The following ZNF654 variants were observed in gnomAD, a reference collection of about 807,000 sequenced individuals.
ZNF654 encodes the protein zinc finger protein 654.
In ZNF654, 19 loss-of-function variants were observed where a neutral mutation model predicts 95.3. The ratio of observed to expected loss-of-function variants is 0.20; its 90% CI spans 0.14 to 0.29. ZNF654 has a LOEUF of 0.29. ZNF654 is among the 10% of genes least tolerant of loss of function. ZNF654 has a pLI of 1.00. For synonymous variants in ZNF654, 413 were observed against 457.9 expected (o/e 0.90, Z 1.25); for missense variants, 1,046 against 1,341.0 (o/e 0.78, Z 3.44).
rs1708444135 is a variant in ZNF654, at chr3:88,088,365, A to T, written c.332+1963A>T. Among the ~76,000 whole-genome samples the T allele has an allele frequency of 2.0e-5, 3 of 152,356 alleles. No homozygotes were observed. The East Asian group carries it at 5.8e-4, about 29-fold the overall frequency. On this transcript the variant is annotated intron_variant, in intron 2 of 8. Transcript: ENST00000636215. Reference sequence around the variant, plus strand: ...AAAAAGTGAAAAATAATTTTGAAAGAAAGTGTTAATGTTGAAAATAAAAAT... The same window carrying T: ...AAAAAGTGAAAAATAATTTTGAAAGTAAGTGTTAATGTTGAAAATAAAAAT...
In ZNF654 at chr3:88,110,894, C is replaced by T. The variant is rs141075462; in HGVS notation, c.333-2221C>T. On this transcript the variant is annotated intron_variant, in intron 2 of 8. Coordinates refer to ENST00000636215, the MANE Select transcript of ZNF654 (RefSeq NM_001350134.2). ...GTTTGATGTGTTTTGCCTTTATTTG[C>T]TGTTACTTTGCATGTGGTTTTTCTC... Among the ~76,000 whole-genome samples the T allele has an allele frequency of 1.9e-4, 29 of 152,174 alleles. No homozygotes were observed. The East Asian group carries it at 5.6e-3, about 29-fold the overall frequency.
In ZNF654 at chr3:88,129,788, T is replaced by C; in HGVS notation, c.855T>C (p.Leu285=). The change falls in exon 6 of 9, where the codon CTT becomes CTC. Residue 285 remains leucine, a synonymous_variant. Coordinates refer to ENST00000636215, the MANE Select transcript of ZNF654 (RefSeq NM_001350134.2). ...CCTTGCAACTCTGTGAATCCTTTCTTATTCCACAGCTCCAGAATGGGGATA... is the reference window on the plus strand; with the variant it reads ...CCTTGCAACTCTGTGAATCCTTTCTCATTCCACAGCTCCAGAATGGGGATA... The part of the protein sequence containing the change: ...MLALQLCESF[L]IPQLQNGDMY... 1 of 1,526,910 alleles carries C rather than the reference T, an allele frequency of 6.5e-7. No individual in the cohort carries two copies. Among genetic ancestry groups the C allele is most frequent in the Non-Finnish European group, 8.8e-7 (1 of 1,140,650 alleles). 94.6% of individuals were successfully genotyped at this position (1,526,910 alleles called of 1,614,324 possible).
intron 1 of ZNF654, among the ~76,000 whole-genome samples, chr3:88,072,683 T>A (rs942167031): frequency 1.3e-5 from 2 of 152,162 alleles, no homozygotes; most frequent in African/African-American, 2.4e-5. Context: ...CTTACCTGTG[T>A]TTTATTAATA....
At chr3:88,126,327 T>G (rs1460430864) in intron 4 of ZNF654, 58 bp downstream of exon 4, 2 of 1,382,364 alleles carry the variant, frequency 1.4e-6, no homozygotes, top group Non-Finnish European at 1.9e-6. Flanking sequence ...ACACTTTCAT[T>G]TACTAACTAG....
chr3:88,108,215 T>C (rs1182894760), intron 2 of ZNF654, among the ~76,000 whole-genome samples: 1 of 152,092 alleles, frequency 6.6e-6, no homozygotes, highest in Non-Finnish European at 1.5e-5. Context: ...TTTTTTTTTT[T>C]CCTATTTCTA....
chr3:88,090,950 A>G (rs565452595), intron 2 of ZNF654, among the ~76,000 whole-genome samples: 2 of 152,378 alleles, frequency 1.3e-5, no homozygotes, highest in East Asian at 3.9e-4. Context: ...CTTGGGCTGC[A>G]TGCAGGCTGC....
At chr3:88,129,464 A>G (rs1299780362) in intron 5 of ZNF654, among the ~76,000 whole-genome samples, 1 of 151,902 alleles carries the variant, frequency 6.6e-6, no homozygotes, top group Non-Finnish European at 1.5e-5. Context: ...GTATGTACCT[A>G]TAGGTTGTGG....
chr3:88,126,964 T>G (rs558315236), intron 4 of ZNF654, among the ~76,000 whole-genome samples: 9 of 152,306 alleles, frequency 5.9e-5, no homozygotes, highest in African/African-American at 1.9e-4. Flanking sequence ...AGGCCAAAAT[T>G]TCCTTTCAAG....
chr3:88,077,660 A>G (rs909118555), intron 1 of ZNF654, among the ~76,000 whole-genome samples: 1 of 148,672 alleles, frequency 6.7e-6, no homozygotes, highest in African/African-American at 2.5e-5. Flanking sequence ...AAAATAACAC[A>G]TAGGAAAGAT....
chr3:88,112,263 T>A (rs1705136993), intron 2 of ZNF654, among the ~76,000 whole-genome samples: 1 of 134,524 alleles, frequency 7.4e-6, no homozygotes, highest in South Asian at 2.7e-4. Flanking sequence ...CTATTAGTGA[T>A]TTGTTTTGAT....
At chr3:88,112,086 C>T (rs1024738823) in intron 2 of ZNF654, among the ~76,000 whole-genome samples, 6 of 151,706 alleles carry the variant, frequency 4.0e-5, no homozygotes, top group Non-Finnish European at 3.0e-5. Context: ...ATTGGTTTTA[C>T]GTTTTTTGGT....
rs1707223005 is a variant in ZNF654, at chr3:88,143,494, G to A, written c.*1842G>A. ...CTAAAAGTATGTCTTGTAATAAAAA[G>A]TCTGTTTGGAAACTGGTTCATTTGG... On this transcript the variant is annotated 3_prime_UTR_variant, in exon 9 of 9. Coordinates refer to ENST00000636215, the MANE Select transcript of ZNF654 (RefSeq NM_001350134.2). 6.6e-6 allele frequency: 1 copy of A among 152,204 alleles called. No homozygotes were observed. The highest frequency in any genetic ancestry group is 2.4e-5 in the African/African-American group (1 of 41,394). The allele number at this position is 152,204 out of a possible 1,614,324, so 9.4% of individuals were successfully genotyped here.
At chr3:88,121,589 T>G (rs1462024341) in intron 3 of ZNF654, among the ~76,000 whole-genome samples, 1 of 152,128 alleles carries the variant, frequency 6.6e-6, no homozygotes, top group Non-Finnish European at 1.5e-5. Context: ...AATGGCAAAT[T>G]AAACATGATT....
At chr3:88,126,696 G>A (rs967532912) in intron 4 of ZNF654, among the ~76,000 whole-genome samples, 1 of 138,984 alleles carries the variant, frequency 7.2e-6, no homozygotes, top group South Asian at 2.3e-4. Context: ...CTGAATTTTT[G>A]TCACTACTAC....
At chr3:88,092,512 A>T (rs1343396269) in intron 2 of ZNF654, among the ~76,000 whole-genome samples, 1 of 152,212 alleles carries the variant, frequency 6.6e-6, no homozygotes, top group Non-Finnish European at 1.5e-5. Flanking sequence ...TGAAGGAATG[A>T]CAGGAATAAC....
At chr3:88,074,976 A>AT (rs1227830399) in intron 1 of ZNF654, among the ~76,000 whole-genome samples, 1 of 152,116 alleles carries the variant, frequency 6.6e-6, no homozygotes, top group African/African-American at 2.4e-5. Context: ...TGTTTGCCAT[A>AT]TTTTGTGGAG....
At chr3:88,136,550 G>C (rs1225682956) in intron 7 of ZNF654, among the ~76,000 whole-genome samples, 2 of 152,152 alleles carry the variant, frequency 1.3e-5, no homozygotes, top group Non-Finnish European at 2.9e-5. Flanking sequence ...CATGAGGGTA[G>C]TACTAACATT....
chr3:88,092,281 A>G (rs1031998815), intron 2 of ZNF654, among the ~76,000 whole-genome samples: 1 of 152,222 alleles, frequency 6.6e-6, no homozygotes, highest in Non-Finnish European at 1.5e-5. Flanking sequence ...TATTCTGTAA[A>G]GCTCTGCTTG....
At chr3:88,123,985 T>C (rs1399478156) in intron 3 of ZNF654, among the ~76,000 whole-genome samples, 1 of 152,218 alleles carries the variant, frequency 6.6e-6, no homozygotes, top group African/African-American at 2.4e-5. Flanking sequence ...GTGTTCCATG[T>C]ATGTTAAATT....
Sources: allele counts gnomAD v4.1 joint callset (sites outside exome capture counted in the v4.1 genomes callset), GRCh38; gene constraint gnomAD v4.1.1; transcripts MANE v1.5; gene names NCBI Gene and HGNC (gene_info 2026-07-23, HGNC 2026-07-21).